Variants in DYM observed in about 807,000 individuals in gnomAD.
DYM encodes dyggve-Melchior-Clausen syndrome protein.
In DYM, 78 loss-of-function variants were observed where a neutral mutation model predicts 93.1. The ratio of observed to expected loss-of-function variants is 0.84; its 90% CI spans 0.70 to 1.01. The LOEUF (loss-of-function observed/expected upper bound fraction) is 1.01, where lower values mean the gene tolerates loss of function less well. Ranked by LOEUF, DYM falls within the 50% of genes least tolerant of loss-of-function variation. The pLI, the probability that DYM is intolerant of heterozygous loss-of-function variation, is 0.00. For missense variants in DYM, 789 were observed against 845.0 expected, an observed-to-expected ratio of 0.93 and a Z score of 0.82; for synonymous variants, 321 against 319.7, an observed-to-expected ratio of 1.00 and a Z score of -0.04.
chr18:49,182,586 T>C (rs2090032766), intron 14 of DYM, among the ~76,000 whole-genome samples: 1 of 152,246 alleles, frequency 6.6e-6, no homozygotes, highest in African/African-American at 2.4e-5. Context: ...GATAAGTCCC[T>C]CCTGCTTTCT....
intron 2 of DYM, among the ~76,000 whole-genome samples, chr18:49,406,419 G>C (rs1408833768): frequency 6.6e-6 from 1 of 151,924 alleles, no homozygotes; most frequent in Non-Finnish European, 1.5e-5. Flanking sequence ...AAATTAGCCA[G>C]GTCTGGTGGC....
chr18:49,119,250 AT>A (rs1263792023), intron 15 of DYM, among the ~76,000 whole-genome samples: 1 of 152,200 alleles, frequency 6.6e-6, no homozygotes, highest in Non-Finnish European at 1.5e-5. Flanking sequence ...TCATTATCGT[AT>A]TACCCTAAAT....
At chr18:49,252,003 C>T (rs1327768297) in intron 13 of DYM, among the ~76,000 whole-genome samples, 1 of 151,696 alleles carries the variant, frequency 6.6e-6, no homozygotes, top group Non-Finnish European at 1.5e-5. Flanking sequence ...CACTTGAGGC[C>T]AGGAGTTCAA....
chr18:49,193,395 C>G (rs962315647), intron 14 of DYM, among the ~76,000 whole-genome samples: 1 of 152,066 alleles, frequency 6.6e-6, no homozygotes, highest in Admixed American at 6.5e-5. Context: ...TTTTAATGAA[C>G]TGCCTCTTAT....
chr18:49,209,803 CTG>C, intron 13 of DYM, 88 bp from the exon 14 acceptor site: 1 of 872,160 alleles, frequency 1.1e-6, no homozygotes, highest in Non-Finnish European at 1.5e-6. Context: ...TCAAAGCTTT[CTG>C]TGTATCTTCA....
intron 6 of DYM, among the ~76,000 whole-genome samples, chr18:49,350,167 C>T (rs962120884): frequency 1.3e-5 from 2 of 151,966 alleles, no homozygotes; most frequent in African/African-American, 4.8e-5. Context: ...CATATGATGG[C>T]TATATCTGTA....
At chr18:49,256,910 A>T in intron 13 of DYM, 100 bp downstream of exon 13, 3 of 973,498 alleles carry the variant, frequency 3.1e-6, no homozygotes, top group Non-Finnish European at 4.8e-6. Context: ...GGAAAATTTG[A>T]TAGTCCTCAC....
chr18:49,217,863 CA>C (rs748788173), intron 13 of DYM, among the ~76,000 whole-genome samples: 22 of 152,308 alleles, frequency 1.4e-4, no homozygotes, highest in Non-Finnish European at 2.8e-4. Flanking sequence ...GCAAGATAAC[CA>C]GCTAACATCA....
At chr18:49,286,716 A>G in intron 8 of DYM, 100 bp from the exon 9 acceptor site, 1 of 1,172,080 alleles carries the variant, frequency 8.5e-7, no homozygotes, top group Non-Finnish European at 1.2e-6. Context: ...GGTAATGAGC[A>G]GTTCCAAAGT....
intron 15 of DYM, among the ~76,000 whole-genome samples, chr18:49,134,056 T>G (rs200659208): frequency 3.9e-5 from 6 of 152,174 alleles, no homozygotes; most frequent in African/African-American, 4.8e-5. Flanking sequence ...CAGGATGGAT[T>G]GATTGATTGA....
intron 13 of DYM, among the ~76,000 whole-genome samples, chr18:49,232,395 G>A (rs529787127): frequency 1.3e-5 from 2 of 150,480 alleles, no homozygotes; most frequent in Non-Finnish European, 1.5e-5. Flanking sequence ...CAAGATCCAC[G>A]TGGGTTCATG....
Position 49,339,517 on chromosome 18 carries a change from C to T in DYM, c.495-5664G>A, listed in dbSNP as rs113115267. ...AGGCTAACATACTGAGAGGTCTACACGGCAAAGAACTAAGGGAGGCCTCCA... is the reference window on the plus strand; with the variant it reads ...AGGCTAACATACTGAGAGGTCTACATGGCAAAGAACTAAGGGAGGCCTCCA... On this transcript the variant is annotated intron_variant, in intron 6 of 17. Transcript: ENST00000675505. Among the ~76,000 whole-genome samples the T allele has an allele frequency of 8.2e-3, 1,250 of 152,246 alleles. 33 individuals carry two copies. The highest frequency in any genetic ancestry group is 0.076 in the South Asian group (366 of 4,824).
At chr18:49,406,586 A>T (rs1333011402) in intron 2 of DYM, among the ~76,000 whole-genome samples, 1 of 152,210 alleles carries the variant, frequency 6.6e-6, no homozygotes, top group Non-Finnish European at 1.5e-5. Flanking sequence ...AGAAAAAAGA[A>T]AGTGGCTATT....
intron 8 of DYM, among the ~76,000 whole-genome samples, chr18:49,292,355 G>GACACAC (rs57025579): frequency 0.059 from 5,027 of 84,488 alleles, 199 homozygotes; most frequent in Middle Eastern, 0.076. Flanking sequence ...CAGACAGACA[G>GACACAC]ACACACACAC....
At chr18:49,115,727 A>C (rs535378819) in intron 16 of DYM, among the ~76,000 whole-genome samples, 1 of 152,368 alleles carries the variant, frequency 6.6e-6, no homozygotes, top group African/African-American at 2.4e-5. Context: ...AGATACATTA[A>C]TAAACAAATG....
In DYM at chr18:49,363,186, G is replaced by C. The variant is rs2147362245; in HGVS notation, c.469C>G (p.Gln157Glu). 1.2e-6 allele frequency: 2 copies of C among 1,613,776 alleles called. No individual in the cohort carries two copies. The highest frequency in any genetic ancestry group is 2.2e-5 in the East Asian group (1 of 44,808). The change falls in exon 6 of 18, where the codon CAG becomes GAG. Residue 157 changes from glutamine (Q) to glutamate (E), a missense_variant. Physicochemically the swap from Gln to Glu is conservative, Grantham distance 29. This residue lies in a region of DYM where 450 missense variants were observed against 436.2 expected (regional missense o/e 1.03). Coordinates refer to ENST00000675505, the MANE Select transcript of DYM (RefSeq NM_001353214.3). ...LLEELLCCLM[Q>E]LITDIPLLDI... is the part of the protein sequence containing the mutation. ...AAGAGTGGAATATCAGTGATCAACT[G>C]CATCAAACAGCACAGCAATTCTTCC...
At chr18:49,051,669 C>A (rs1435866139) in intron 17 of DYM, among the ~76,000 whole-genome samples, 1 of 152,180 alleles carries the variant, frequency 6.6e-6, no homozygotes, top group African/African-American at 2.4e-5. Context: ...AAGGCTAAGG[C>A]TCCCAACTGC....
Position 49,043,132 on chromosome 18 carries a change from CTTTT to C in DYM, c.*919_*922del, listed in dbSNP as rs912870906. On this transcript the variant is annotated 3_prime_UTR_variant, in exon 18 of 18. Transcript: ENST00000675505. ...TAGCCATTTTCTTTTTCTTTTCTTT[CTTTT>C]TTTTTTTTTGCGAGACAGGGTCTCA... 2 of 143,054 alleles carry C rather than the reference CTTTT, an allele frequency of 1.4e-5. No homozygotes were observed. The highest frequency in any genetic ancestry group is 2.0e-4 in the East Asian group (1 of 5,004). The allele number at this position is 143,054 out of a possible 1,614,324, so 8.9% of individuals were successfully genotyped here.
chr18:49,257,876 A>G (rs1598943100), intron 12 of DYM, among the ~76,000 whole-genome samples: 1 of 151,940 alleles, frequency 6.6e-6, no homozygotes, highest in East Asian at 1.9e-4. Context: ...AAAAAATGCC[A>G]TTTCTCTTAG....
Sources: allele counts gnomAD v4.1 joint callset (sites outside exome capture counted in the v4.1 genomes callset), GRCh38; gene constraint gnomAD v4.1.1; regional missense constraint gnomAD v4.1.1; transcripts MANE v1.5; gene names NCBI Gene and HGNC (gene_info 2026-07-23, HGNC 2026-07-21).